The following OSBPL10 variants were observed in gnomAD, a reference collection of about 807,000 sequenced individuals.
The protein encoded by OSBPL10 is oxysterol binding protein like 10.
OSBPL10 carries 49 observed loss-of-function variants against 81.7 expected under a neutral mutation model. That is an observed-to-expected ratio of 0.60 (90% CI 0.48 to 0.76). The LOEUF is 0.76. OSBPL10 is among the 30% of genes least tolerant of loss of function. The probability of loss-of-function intolerance (pLI) is 0.00; values close to 1 mark genes in which losing one functional copy is unlikely to be tolerated. For missense variants in OSBPL10, 923 were observed against 987.8 expected (o/e 0.93, Z 0.88); for synonymous variants, 419 against 383.6 (o/e 1.09, Z -1.08).
At chr3:31,787,100 T>A (rs963375191) in intron 4 of OSBPL10, among the ~76,000 whole-genome samples, 11 of 152,212 alleles carry the variant, frequency 7.2e-5, no homozygotes, top group African/African-American at 2.4e-4. Context: ...CACGATATGG[T>A]TGTTGCCTCC....
At chr3:31,730,357 GAA>G (rs796750527) in intron 6 of OSBPL10, among the ~76,000 whole-genome samples, 1 of 143,484 alleles carries the variant, frequency 7.0e-6, no homozygotes, top group African/African-American at 2.5e-5. Context: ...AAAAAAGGGG[GAA>G]AAAAAAAAAG....
intron 5 of OSBPL10, among the ~76,000 whole-genome samples, chr3:31,741,339 A>T (rs1335099121): frequency 1.3e-5 from 2 of 152,224 alleles, no homozygotes; most frequent in African/African-American, 4.8e-5. Context: ...ATCTCGGCTC[A>T]CTGCAACCTC....
intron 2 of OSBPL10, among the ~76,000 whole-genome samples, chr3:32,014,427 G>A (rs1415145702): frequency 6.6e-6 from 1 of 152,092 alleles, no homozygotes; most frequent in South Asian, 2.1e-4. Flanking sequence ...AATAAATTAG[G>A]TATCGATGGG....
chr3:31,741,494 A>T (rs941763896), intron 5 of OSBPL10, among the ~76,000 whole-genome samples: 1 of 152,118 alleles, frequency 6.6e-6, no homozygotes, highest in Non-Finnish European at 1.5e-5. Flanking sequence ...TGATCTCTTG[A>T]CCTCGTGATC....
intron 1 of OSBPL10, among the ~76,000 whole-genome samples, chr3:31,909,829 G>C (rs754632073): frequency 6.6e-6 from 1 of 152,020 alleles, no homozygotes; most frequent in South Asian, 2.1e-4. Flanking sequence ...TAGCAGCTTT[G>C]AAACAAACCC....
At chr3:32,055,272 C>T (rs979175507) in intron 1 of OSBPL10, among the ~76,000 whole-genome samples, 4 of 126,262 alleles carry the variant, frequency 3.2e-5, no homozygotes, top group South Asian at 5.4e-4. Context: ...GGCGGGATCT[C>T]GGCTCACTGC....
chr3:31,980,914 T>C lies in OSBPL10; in HGVS notation c.266A>G (p.Gln89Arg). The change falls in exon 1 of 12, where the codon CAG (glutamine) becomes CGG (arginine). Residue 89 changes from glutamine to arginine, a missense_variant. Gln to Arg is a conservative substitution (Grantham distance 43). This residue lies in a region of OSBPL10 where 514 missense variants were observed against 508.0 expected (regional missense o/e 1.01). Transcript: ENST00000396556. The stretch of plus-strand genomic sequence containing the variant: ...GGCGCGTTACCTGTTCTGCCAGCCC[T>C]GGAGGAGGTTGGTGTATTTGCTGAG... ...GVLSKYTNLL[Q>R]GWQNRYFVLD... The C allele has an allele frequency of 6.3e-7, 1 of 1,577,680 alleles. No individual in the cohort carries two copies. The highest frequency in any genetic ancestry group is 8.6e-7 in the Non-Finnish European group (1 of 1,165,460).
At chr3:31,863,211 G>T (rs9842207) in intron 3 of OSBPL10, among the ~76,000 whole-genome samples, 9,208 of 152,096 alleles carry the variant, frequency 0.061, 519 homozygotes, top group African/African-American at 0.14. Flanking sequence ...ATATCCAAAA[G>T]AGGCAAATCC....
chr3:31,903,782 A>T (rs1310213363), intron 1 of OSBPL10, among the ~76,000 whole-genome samples: 1 of 152,168 alleles, frequency 6.6e-6, no homozygotes, highest in Non-Finnish European at 1.5e-5. Flanking sequence ...TTTCTGAAAA[A>T]TAAGAGTATA....
chr3:31,833,699 GCACACGCACACA>G (rs1342999157), intron 3 of OSBPL10, among the ~76,000 whole-genome samples: 1 of 118,830 alleles, frequency 8.4e-6, no homozygotes, highest in African/African-American at 3.5e-5. Context: ...ACACGCACAC[GCACACGCACACA>G]CACACACACA....
rs1404038167 is a variant in OSBPL10, at chr3:31,684,648, G to A, written c.1246-534C>T. 2.0e-5 allele frequency among the ~76,000 whole-genome samples: 3 copies of A among 152,174 alleles called. No individual in the cohort carries two copies. The East Asian group carries it at 5.8e-4, about 29-fold the overall frequency. On this transcript the variant is annotated intron_variant, in intron 7 of 11. Transcript: ENST00000396556. ...CACTGGGAGGCCTCGGTAGAAGAAT[G>A]GTGTACAAGCCCCACCATGACTGAG...
At chr3:32,025,262 G>T (rs1440946732) in intron 2 of OSBPL10, among the ~76,000 whole-genome samples, 6 of 152,066 alleles carry the variant, frequency 3.9e-5, no homozygotes, top group Non-Finnish European at 7.4e-5. Context: ...TATCAGTTTT[G>T]ACTTTTATTA....
chr3:31,842,507 G>A (rs1230996379), intron 3 of OSBPL10, among the ~76,000 whole-genome samples: 1 of 152,156 alleles, frequency 6.6e-6, no homozygotes, highest in African/African-American at 2.4e-5. Context: ...CAAAAGAAAA[G>A]TTGTTGGGCT....
At chr3:31,714,238 G>A (rs925911079) in intron 6 of OSBPL10, among the ~76,000 whole-genome samples, 2 of 152,210 alleles carry the variant, frequency 1.3e-5, no homozygotes, top group African/African-American at 4.8e-5. Context: ...ATACACGTAA[G>A]GCTCTGTGTT....
chr3:32,073,493 C>A lies in OSBPL10; in HGVS notation n.185+3903G>T, dbSNP rs1294992825. 2.6e-5 allele frequency among the ~76,000 whole-genome samples: 4 copies of A among 152,156 alleles called. No homozygotes were observed. The East Asian group carries it at 5.8e-4, about 22-fold the overall frequency. ...ATCCATCAGACAGACAGCCTGATAT[C>A]TTCTCTTCCTCCTGGAAATTGCAAG... On this transcript the variant is annotated intron_variant and non_coding_transcript_variant, in intron 1 of 3. Coordinates refer to the OSBPL10 transcript ENST00000479173.
chr3:31,670,678 T>C (rs75528525), intron 9 of OSBPL10, 119 bp downstream of exon 9: 90,116 of 1,210,880 alleles, frequency 0.074, 3,811 homozygotes, highest in African/African-American at 0.13. Flanking sequence ...GAAAAGACCT[T>C]AACAAGTTTA....
At chr3:31,991,151 G>A (rs775563358) in intron 2 of OSBPL10, 18 of 726,424 alleles carry the variant, frequency 2.5e-5, no homozygotes, top group Middle Eastern at 2.6e-4. Flanking sequence ...AAGTGTTTAC[G>A]TTAAGAGGAT....
At chr3:31,934,871 C>A (rs1697343377) in intron 1 of OSBPL10, among the ~76,000 whole-genome samples, 1 of 152,156 alleles carries the variant, frequency 6.6e-6, no homozygotes, top group African/African-American at 2.4e-5. Flanking sequence ...GTCATAGAAA[C>A]TTACCCATAG....
At chr3:31,822,667 C>T (rs1439819868) in intron 4 of OSBPL10, among the ~76,000 whole-genome samples, 1 of 151,866 alleles carries the variant, frequency 6.6e-6, no homozygotes, top group Non-Finnish European at 1.5e-5. Flanking sequence ...CCCAGCACTT[C>T]GGGAGGCCAA....
Sources: gnomAD v4.1 joint callset for allele counts (sites outside exome capture counted in the v4.1 genomes callset) on GRCh38, gnomAD v4.1.1 for gene constraint, gnomAD v4.1.1 regional missense constraint, MANE v1.5 for transcripts, NCBI Gene and HGNC (gene_info 2026-07-23, HGNC 2026-07-21) for gene names.